RASA2: variants seen among roughly 807,000 people sequenced by gnomAD.
RASA2 encodes ras GTPase-activating protein 2.
Under a neutral mutation model 118.2 loss-of-function variants are expected in RASA2, and 155 were observed. That is an observed-to-expected ratio of 1.31 (90% CI 1.15 to 1.50). RASA2 has a LOEUF of 1.50. RASA2 is among the 40% of genes most tolerant of loss of function. The pLI is 0.00. For synonymous variants in RASA2, 353 were observed against 349.1 expected, an observed-to-expected ratio of 1.01 and a Z score of -0.12; for missense variants, 1,016 against 1,009.6, an observed-to-expected ratio of 1.01 and a Z score of -0.09.
intron 19 of RASA2, among the ~76,000 whole-genome samples, chr3:141,607,271 G>A (rs1223051814): frequency 6.6e-6 from 1 of 152,000 alleles, no homozygotes; most frequent in African/African-American, 2.4e-5. Flanking sequence ...ATGCACATAG[G>A]TAGTCATAGT....
intron 3 of RASA2, among the ~76,000 whole-genome samples, chr3:141,519,190 A>G (rs1029905739): frequency 2.5e-4 from 38 of 152,132 alleles, no homozygotes; most frequent in African/African-American, 9.2e-4. Context: ...ACTAATATGG[A>G]CGACATAAAT....
intron 19 of RASA2, chr3:141,590,141 C>A (rs746408376): frequency 6.6e-6 from 3 of 456,528 alleles, no homozygotes; most frequent in South Asian, 4.6e-5. Context: ...GTTCATTGAA[C>A]GTAAGTTAAC....
rs775477171 is a variant in RASA2 at position 141,576,981 on chromosome 3, C to T, written c.1484-19C>T. 8 of 1,490,634 alleles carry T rather than the reference C, an allele frequency of 5.4e-6. No individual in the cohort carries two copies. In the East Asian group the frequency reaches 1.9e-4, roughly 35 times the overall value. The allele number at this position is 1,490,634 out of a possible 1,614,324, so 92.3% of individuals were successfully genotyped here. A position where few individuals can be genotyped will look rare whatever the true frequency, so the allele number is the denominator to read the frequency against. On this transcript the variant is annotated intron_variant, in intron 14 of 23. Transcript: ENST00000286364. ...TTAATTGTTTTTGTGCATGACATTT[C>T]ACCATTTTTTTCCTGCAGATGACCC...
chr3:141,509,217 A>G (rs925343965), intron 1 of RASA2, among the ~76,000 whole-genome samples: 1 of 152,232 alleles, frequency 6.6e-6, no homozygotes, highest in African/African-American at 2.4e-5. Context: ...TTTAAGAAGT[A>G]CAGATTATGA....
At position 141,586,761 on chromosome 3, in the gene RASA2, G is replaced by T; in HGVS notation, c.1933+9G>T. ...CTACCACAAACAGCCAGGTAGTTGT[G>T]TTTATGCTTTATTGTGGGGTTTTTC... On this transcript the variant is annotated intron_variant, in intron 19 of 23. Transcript: ENST00000286364. The T allele has an allele frequency of 6.3e-7, 1 of 1,596,442 alleles. No individual in the cohort carries two copies. Among genetic ancestry groups the T allele is most frequent in the Non-Finnish European group, 8.6e-7 (1 of 1,164,408 alleles).
At position 141,571,000 on chromosome 3, in the gene RASA2, G is replaced by T. The variant is rs2082910095; in HGVS notation, c.952G>T (p.Asp318Tyr). The change falls in exon 10 of 24, where the codon GAC (aspartate) becomes TAC (tyrosine). Residue 318 changes from aspartate (D) to tyrosine (Y), a missense_variant. Physicochemically the swap from Asp to Tyr is radical, Grantham distance 160 (BLOSUM62 -3). Around this residue, in one of 2 missense-constraint regions of RASA2, gnomAD observed 896 missense variants for 836.4 expected, o/e 1.07. Coordinates refer to ENST00000286364, the MANE Select transcript of RASA2 (RefSeq NM_006506.5). ...TCGATTAAATATATGTTATACAGAA[G>T]ACTACGTGCTTCCTTCAGAGTACTA... ...SLRLNICYTE[D>Y]YVLPSEYYGP... The T allele has an allele frequency of 6.2e-7, 1 of 1,612,440 alleles. No homozygotes were observed. The highest frequency in any genetic ancestry group is 8.5e-7 in the Non-Finnish European group (1 of 1,179,312).
At chr3:141,583,568 G>A (rs1401550500) in intron 17 of RASA2, among the ~76,000 whole-genome samples, 1 of 152,102 alleles carries the variant, frequency 6.6e-6, no homozygotes, top group Non-Finnish European at 1.5e-5. Context: ...GCTGTGATAG[G>A]GCGCTTCTTC....
In RASA2 at chr3:141,571,088, G is replaced by C; in HGVS notation, c.1020+20G>C. On this transcript the variant is annotated intron_variant, in intron 10 of 23. Transcript: ENST00000286364. ...GTTCAAGTATGTTAAGAATCTTAAGGATATGATTTAACACGAAACGGCTAA... is the reference window on the plus strand; with the variant it reads ...GTTCAAGTATGTTAAGAATCTTAAGCATATGATTTAACACGAAACGGCTAA... 10 of 1,575,780 alleles carry C rather than the reference G, an allele frequency of 6.3e-6. No homozygotes were observed. Among genetic ancestry groups the C allele is most frequent in the Non-Finnish European group, 7.7e-6 (9 of 1,166,534 alleles).
At chr3:141,493,419 C>G (rs1008882308) in intron 1 of RASA2, among the ~76,000 whole-genome samples, 1 of 152,128 alleles carries the variant, frequency 6.6e-6, no homozygotes, top group Non-Finnish European at 1.5e-5. Context: ...TGTCTGTCAC[C>G]ATCACCTGTG....
chr3:141,609,495 C>G lies in RASA2; in HGVS notation c.2301C>G (p.Leu767=). Residue 767 remains leucine (L), a synonymous_variant, in exon 22 of 24, where the codon CTC becomes CTG. Transcript: ENST00000286364. ...ETERIYSLFT[L]SLLKLQKMEE... is the part of the protein sequence containing the mutation. ...AAAGAATTTATTCCCTTTTTACCCTCAGTTTACTTAAGCTGCAGAAGATGG... is the reference window on the plus strand; with the variant it reads ...AAAGAATTTATTCCCTTTTTACCCTGAGTTTACTTAAGCTGCAGAAGATGG... 6.3e-7 allele frequency: 1 copy of G among 1,598,600 alleles called. No individual in the cohort carries two copies. Among genetic ancestry groups the G allele is most frequent in the Non-Finnish European group, 8.6e-7 (1 of 1,167,874 alleles).
chr3:141,512,050 T>C (rs2081959130), intron 1 of RASA2, 113 bp from the exon 2 acceptor site: 2 of 687,404 alleles, frequency 2.9e-6, no homozygotes, highest in Non-Finnish European at 4.8e-6. Context: ...TAGTGTTTTT[T>C]TTTTTTTCTG....
At position 141,500,836 on chromosome 3, in the gene RASA2, GTGT is replaced by G. The variant is rs2081768078; in HGVS notation, c.134-11323_134-11321del. ...TTACTCTGTGCTTTTTAAATTTCAA[GTGT>G]TGTCTCTCAGATTTTATTTTTTTAT... On this transcript the variant is annotated intron_variant, in intron 1 of 23. Transcript: ENST00000286364. Among the ~76,000 whole-genome samples the G allele has an allele frequency of 3.9e-5, 6 of 152,120 alleles. No individual in the cohort carries two copies. In the South Asian group the frequency reaches 1.2e-3, roughly 32 times the overall value.
intron 17 of RASA2, among the ~76,000 whole-genome samples, chr3:141,582,070 A>T (rs1168470220): frequency 6.6e-6 from 1 of 152,250 alleles, no homozygotes; most frequent in Non-Finnish European, 1.5e-5. Flanking sequence ...TATGTATCAC[A>T]GTCTTAACTT....
chr3:141,606,234 G>A (rs868402052), intron 19 of RASA2, among the ~76,000 whole-genome samples: 7 of 152,168 alleles, frequency 4.6e-5, no homozygotes, highest in Admixed American at 6.5e-5. Flanking sequence ...TTCAGTTACT[G>A]CCTCCCTGCC....
intron 13 of RASA2, among the ~76,000 whole-genome samples, chr3:141,573,529 A>G (rs1263768255): frequency 6.6e-6 from 1 of 152,162 alleles, no homozygotes; most frequent in Non-Finnish European, 1.5e-5. Flanking sequence ...GATCAGGCTA[A>G]GTGACACAGT....
intron 19 of RASA2, among the ~76,000 whole-genome samples, chr3:141,597,465 G>C (rs910446191): frequency 2.0e-5 from 3 of 152,102 alleles, no homozygotes; most frequent in African/African-American, 7.2e-5. Context: ...GTCCCAAGTA[G>C]CCGATTGGGG....
In RASA2 at chr3:141,606,238, C is replaced by A. The variant is rs150499759; in HGVS notation, c.1934-1440C>A. Among the ~76,000 whole-genome samples, 46 of 152,272 alleles carry A rather than the reference C, an allele frequency of 3.0e-4. No homozygotes were observed. The East Asian group carries it at 7.3e-3, about 24-fold the overall frequency. On this transcript the variant is annotated intron_variant, in intron 19 of 23. Coordinates refer to ENST00000286364, the MANE Select transcript of RASA2 (RefSeq NM_006506.5). The stretch of plus-strand genomic sequence containing the variant: ...CTATGGCTTCCTTCAGTTACTGCCT[C>A]CCTGCCCCACCATTCAATTCCCCAC...
Position 141,608,494 on chromosome 3 carries a change from C to T in RASA2, c.2022C>T (p.Phe674=). ...EESSFNKKNM[F]QVIHTEKPLY... ...TATCTTAATTGCCTATGAAGATGTT[C>T]CAAGTAATACATACGGAGAAACCAC... Residue 674 remains phenylalanine, a synonymous_variant, in exon 21 of 24, where the codon TTC becomes TTT. Transcript: ENST00000286364. 1 of 1,613,396 alleles carries T rather than the reference C, an allele frequency of 6.2e-7. No homozygotes were observed.
chr3:141,599,063 C>T (rs957033466), intron 19 of RASA2, among the ~76,000 whole-genome samples: 5 of 151,870 alleles, frequency 3.3e-5, no homozygotes, highest in Middle Eastern at 3.4e-3. Context: ...ACTCCAGCCC[C>T]GGCGACAGAG....
Sources: gnomAD v4.1 joint callset for allele counts (sites outside exome capture counted in the v4.1 genomes callset) on GRCh38, gnomAD v4.1.1 for gene constraint, gnomAD v4.1.1 regional missense constraint, MANE v1.5 for transcripts, NCBI Gene and HGNC (gene_info 2026-07-23, HGNC 2026-07-21) for gene names.